Variants in MARCHF7 observed in about 807,000 individuals in gnomAD.
The protein encoded by MARCHF7 is E3 ubiquitin-protein ligase MARCHF7.
MARCHF7 carries 20 observed loss-of-function variants against 76.5 expected under a neutral mutation model. The observed-to-expected ratio is 0.26, with a 90% CI of 0.18 to 0.38. The LOEUF (loss-of-function observed/expected upper bound fraction) is 0.38, where lower values mean the gene tolerates loss of function less well. Ranked by LOEUF, MARCHF7 falls within the 10% of genes least tolerant of loss-of-function variation. The pLI, the probability that MARCHF7 is intolerant of heterozygous loss-of-function variation, is 1.00. For synonymous variants in MARCHF7, 295 were observed against 293.0 expected, an observed-to-expected ratio of 1.01 and a Z score of -0.07; for missense variants, 797 against 812.9, an observed-to-expected ratio of 0.98 and a Z score of 0.24.
chr2:159,763,474 G>A (rs1172103345), intron 10 of MARCHF7, among the ~76,000 whole-genome samples: 1 of 152,174 alleles, frequency 6.6e-6, no homozygotes, highest in Admixed American at 6.5e-5. Context: ...GTTGTTTACT[G>A]TGTGTGCTAT....
At chr2:159,754,722 G>A (rs1052007977) in intron 8 of MARCHF7, among the ~76,000 whole-genome samples, 3 of 152,158 alleles carry the variant, frequency 2.0e-5, no homozygotes, top group African/African-American at 7.2e-5. Context: ...ATACGAGAAA[G>A]GATATTTCCT....
intron 5 of MARCHF7, among the ~76,000 whole-genome samples, chr2:159,744,912 T>A (rs1002412987): frequency 3.9e-5 from 6 of 152,232 alleles, no homozygotes; most frequent in African/African-American, 1.4e-4. Context: ...AATTTACTTT[T>A]AAATCATATC....
chr2:159,751,901 C>T (rs1314348738), intron 7 of MARCHF7, among the ~76,000 whole-genome samples: 1 of 152,046 alleles, frequency 6.6e-6, no homozygotes, highest in Non-Finnish European at 1.5e-5. Context: ...GTTCTGGTAA[C>T]ATGTAAATGA....
intron 3 of MARCHF7, among the ~76,000 whole-genome samples, chr2:159,727,504 C>T (rs901941491): frequency 8.5e-5 from 13 of 152,172 alleles, no homozygotes; most frequent in East Asian, 5.8e-4. Context: ...GGGACAATGG[C>T]GTGAACCCAG....
intron 4 of MARCHF7, among the ~76,000 whole-genome samples, chr2:159,741,575 T>TA (rs1360925860): frequency 1.3e-4 from 20 of 152,330 alleles, no homozygotes; most frequent in Non-Finnish European, 1.5e-5. Flanking sequence ...ACTTATCTGT[T>TA]ACCTGTACTG....
rs530760384 is a variant in MARCHF7, at chr2:159,717,503, A to T, written c.-15+1737A>T. On this transcript the variant is annotated intron_variant, in intron 3 of 11. Coordinates refer to ENST00000409175, the MANE Select transcript of MARCHF7 (RefSeq NM_001282805.2). Reference sequence around the variant, plus strand: ...GGCTGTACCTTTGTGTATGTTTAAAATTTTTCATGATAAAAACTTTAAGTC... The same window carrying T: ...GGCTGTACCTTTGTGTATGTTTAAATTTTTTCATGATAAAAACTTTAAGTC... Among the ~76,000 whole-genome samples, 3 of 136,534 alleles carry T rather than the reference A, an allele frequency of 2.2e-5. No homozygotes were observed. The East Asian group carries it at 6.4e-4, about 29-fold the overall frequency. The allele number at this position is 136,534 out of a possible 152,430, so 89.6% of individuals were successfully genotyped here.
At chr2:159,715,364 G>A (rs1700913542) in intron 2 of MARCHF7, among the ~76,000 whole-genome samples, 1 of 151,852 alleles carries the variant, frequency 6.6e-6, no homozygotes, top group Non-Finnish European at 1.5e-5. Context: ...TAGGTGGGGG[G>A]GGTAATAATT....
chr2:159,727,097 A>G (rs1702259321), intron 3 of MARCHF7, among the ~76,000 whole-genome samples: 1 of 152,236 alleles, frequency 6.6e-6, no homozygotes, highest in African/African-American at 2.4e-5. Context: ...AGTGATGCAT[A>G]ACTATGCATA....
chr2:159,729,153 T>G lies in MARCHF7; in HGVS notation c.131T>G (p.Phe44Cys), dbSNP rs761754156. ...ACCTATCACTCAAGAGACTCTTCATTTAGATTGGATTCTGAATATCAGGTA... is the reference window on the plus strand; with the variant it reads ...ACCTATCACTCAAGAGACTCTTCATGTAGATTGGATTCTGAATATCAGGTA... ...NDTYHSRDSS[F>C]RLDSEYQSTS... Residue 44 changes from phenylalanine (F) to cysteine (C), a missense_variant, in exon 4 of 12, where the codon TTT becomes TGT. By Grantham distance (205) the Phe-to-Cys change is radical (BLOSUM62 -2). Coordinates refer to ENST00000409175, the MANE Select transcript of MARCHF7 (RefSeq NM_001282805.2). The G allele has an allele frequency of 8.1e-6, 13 of 1,599,072 alleles. No individual in the cohort carries two copies. The highest frequency in any genetic ancestry group is 5.4e-5 in the Admixed American group (3 of 56,018).
chr2:159,748,781 C>A lies in MARCHF7; in HGVS notation c.1491C>A (p.Thr497=). The change falls in exon 7 of 12, where the codon ACC becomes ACA. Residue 497 remains threonine (T), a synonymous_variant. Coordinates refer to ENST00000409175, the MANE Select transcript of MARCHF7 (RefSeq NM_001282805.2). ...CTCCAGCACTTGGGAGTAATTTGAC[C>A]GACAATGTCATGATCACAGTAGATA... ...AVPPALGSNL[T]DNVMITVDII... is the part of the protein sequence containing the mutation. 1.2e-6 allele frequency: 2 copies of A among 1,614,026 alleles called. No individual in the cohort carries two copies. The highest frequency in any genetic ancestry group is 1.7e-6 in the Non-Finnish European group (2 of 1,180,024).
intron 5 of MARCHF7, 138 bp from the exon 6 acceptor site, chr2:159,745,632 G>C (rs1337057466): frequency 9.0e-6 from 5 of 558,362 alleles, no homozygotes; most frequent in Non-Finnish European, 1.5e-5. Context: ...CTCCAGCCTG[G>C]GTGACAGAGT....
Position 159,762,986 on chromosome 2 carries a change from G to C in MARCHF7, c.2000G>C (p.Arg667Pro). 1 of 1,608,822 alleles carries C rather than the reference G, an allele frequency of 6.2e-7. No individual in the cohort carries two copies. The highest frequency in any genetic ancestry group is 8.5e-7 in the Non-Finnish European group (1 of 1,177,226). The stretch of plus-strand genomic sequence containing the variant: ...GGAAATACAAATGAACCAAGCACAC[G>C]TGTCCGAGTAAGTAATAATGAAGTT... ...MMGNTNEPST[R>P]VRFINLARTL... The change falls in exon 10 of 12, where the codon CGT (arginine) becomes CCT (proline). Residue 667 changes from arginine (R) to proline (P), a missense_variant. Around this residue, in one of 3 missense-constraint regions of MARCHF7, gnomAD observed 124 missense variants for 121.3 expected, o/e 1.02. Transcript: ENST00000409175.
intron 11 of MARCHF7, among the ~76,000 whole-genome samples, chr2:159,765,686 AACTTT>A (rs1299432350): frequency 3.3e-5 from 5 of 152,150 alleles, no homozygotes; most frequent in Admixed American, 6.6e-5. Flanking sequence ...TCCTCATAGG[AACTTT>A]TTAATTCTAG....
rs1218274409 is a variant in MARCHF7, at chr2:159,745,889, A to G, written c.466A>G (p.Asn156Asp). The part of the protein sequence containing the change: ...LERRTDSSIS[N>D]LMDYSHRSGD... ...GAGAAGAACAGATTCCTCTATTAGT[A>G]ATCTTATGGATTATAGTCACCGAAG... Residue 156 changes from asparagine to aspartate, a missense_variant, in exon 6 of 12, where the codon AAT (asparagine) becomes GAT (aspartate). Asn to Asp is a conservative substitution (Grantham distance 23, BLOSUM62 1). Transcript: ENST00000409175. The G allele has an allele frequency of 5.0e-6, 8 of 1,613,008 alleles. No homozygotes were observed. The highest frequency in any genetic ancestry group is 2.2e-5 in the East Asian group (1 of 44,748).
chr2:159,750,880 T>C (rs763109615), intron 7 of MARCHF7, among the ~76,000 whole-genome samples: 1 of 152,206 alleles, frequency 6.6e-6, no homozygotes, highest in Non-Finnish European at 1.5e-5. Flanking sequence ...TTTTGTACTT[T>C]AATAAGAAAA....
Position 159,755,232 on chromosome 2 carries a change from C to T in MARCHF7, c.1783+2661C>T, listed in dbSNP as rs142648042. ...ATAAGAATTGGTACACAGGAGGGGA[C>T]GCTTAAAATGGCTATTTAGGGGTAG... On this transcript the variant is annotated intron_variant, in intron 8 of 11. Transcript: ENST00000409175. 5.0e-3 allele frequency among the ~76,000 whole-genome samples: 760 copies of T among 152,064 alleles called. 3 individuals carry two copies. Among genetic ancestry groups the T allele is most frequent in the African/African-American group, 0.017 (706 of 41,472 alleles).
chr2:159,759,191 A>G, intron 8 of MARCHF7, 35 bp from the exon 9 acceptor site: 1 of 1,210,576 alleles, frequency 8.3e-7, no homozygotes, highest in Non-Finnish European at 1.2e-6. Flanking sequence ...AGACATTATA[A>G]AACTAAGCTT....
chr2:159,753,990 A>G (rs1331451718), intron 8 of MARCHF7, among the ~76,000 whole-genome samples: 1 of 152,218 alleles, frequency 6.6e-6, no homozygotes, highest in African/African-American at 2.4e-5. Flanking sequence ...TGAAAAGGGA[A>G]CCAAGTGTTC....
At chr2:159,752,825 A>G (rs1181127022) in intron 8 of MARCHF7, among the ~76,000 whole-genome samples, 2 of 152,194 alleles carry the variant, frequency 1.3e-5, no homozygotes, top group Admixed American at 6.5e-5. Context: ...TGTGATCACT[A>G]GTGTGTCCCT....
Sources: allele counts gnomAD v4.1 joint callset (sites outside exome capture counted in the v4.1 genomes callset), GRCh38; gene constraint gnomAD v4.1.1; regional missense constraint gnomAD v4.1.1; transcripts MANE v1.5; gene names NCBI Gene and HGNC (gene_info 2026-07-23, HGNC 2026-07-21).